The following LRP1B variants were observed in gnomAD, a reference collection of about 807,000 sequenced individuals.
LRP1B encodes low-density lipoprotein receptor-related protein 1B.
LRP1B carries 217 observed loss-of-function variants against 556.6 expected under a neutral mutation model. The observed-to-expected ratio is 0.39, with a 90% CI of 0.35 to 0.44. The LOEUF (loss-of-function observed/expected upper bound fraction) is 0.44, where lower values mean the gene tolerates loss of function less well. Among genes scored for constraint, LRP1B ranks in the 20% least tolerant of loss-of-function variants. LRP1B has a pLI of 1.00. For missense variants in LRP1B, 5,053 were observed against 5,620.8 expected (o/e 0.90, Z 3.23); for synonymous variants, 2,047 against 1,865.8 (o/e 1.10, Z -2.50).
chr2:141,273,330 C>G (rs940486710), intron 3 of LRP1B, among the ~76,000 whole-genome samples: 1 of 150,974 alleles, frequency 6.6e-6, no homozygotes, highest in African/African-American at 2.4e-5. Flanking sequence ...GGAAGAAAAA[C>G]GTACTACAAA....
chr2:140,645,944 T>C (rs1381720314), intron 41 of LRP1B, among the ~76,000 whole-genome samples: 1 of 152,098 alleles, frequency 6.6e-6, no homozygotes, highest in Non-Finnish European at 1.5e-5. Flanking sequence ...TTTTTCCTAC[T>C]CCTTATTATA....
chr2:140,833,728 T>G (rs1691799508), intron 31 of LRP1B, among the ~76,000 whole-genome samples: 2 of 152,166 alleles, frequency 1.3e-5, no homozygotes, highest in Non-Finnish European at 2.9e-5. Context: ...TTGGCTTTCT[T>G]TCTCTGGTAG....
chr2:141,393,369 C>T (rs1234990539), intron 3 of LRP1B, among the ~76,000 whole-genome samples: 2 of 152,152 alleles, frequency 1.3e-5, no homozygotes, highest in Non-Finnish European at 2.9e-5. Flanking sequence ...TTACAATTAT[C>T]AGATAAGCAT....
chr2:140,677,085 A>C (rs775571503), intron 41 of LRP1B, among the ~76,000 whole-genome samples: 1 of 152,244 alleles, frequency 6.6e-6, no homozygotes, highest in Non-Finnish European at 1.5e-5. Flanking sequence ...AATGGCATTT[A>C]TACAAGAGTA....
chr2:140,763,019 TA>T (rs992963468), intron 35 of LRP1B, among the ~76,000 whole-genome samples: 3 of 152,078 alleles, frequency 2.0e-5, no homozygotes, highest in African/African-American at 2.4e-5. Flanking sequence ...TTTCTGGAAA[TA>T]AACAGGTACC....
At chr2:140,304,007 G>A (rs1225074357) in intron 83 of LRP1B, among the ~76,000 whole-genome samples, 1 of 152,156 alleles carries the variant, frequency 6.6e-6, no homozygotes, top group East Asian at 1.9e-4. Context: ...TCTTATGGCT[G>A]CATAGTATTC....
intron 35 of LRP1B, among the ~76,000 whole-genome samples, chr2:140,754,267 C>T (rs978176037): frequency 4.6e-5 from 7 of 152,164 alleles, no homozygotes; most frequent in African/African-American, 9.6e-5. Context: ...CTAACTTGTC[C>T]GAGAAAACTG....
intron 2 of LRP1B, among the ~76,000 whole-genome samples, chr2:141,783,472 GAAC>G (rs1046898656): frequency 5.3e-5 from 8 of 151,886 alleles, no homozygotes; most frequent in African/African-American, 1.7e-4. Flanking sequence ...TGCATATTTG[GAAC>G]AACAAGTTTC....
chr2:140,664,338 A>T (rs1237462443), intron 41 of LRP1B, among the ~76,000 whole-genome samples: 1 of 152,198 alleles, frequency 6.6e-6, no homozygotes, highest in Non-Finnish European at 1.5e-5. Flanking sequence ...TAATAACGCA[A>T]AATGCAATAA....
At chr2:141,215,434 G>T (rs947010446) in intron 6 of LRP1B, among the ~76,000 whole-genome samples, 4 of 152,176 alleles carry the variant, frequency 2.6e-5, no homozygotes, top group Non-Finnish European at 4.4e-5. Flanking sequence ...AAAGATACCA[G>T]AAAATGTGAA....
At chr2:141,742,331 C>T (rs6754904) in intron 2 of LRP1B, among the ~76,000 whole-genome samples, 10,722 of 149,784 alleles carry the variant, frequency 0.072, 1,244 homozygotes, top group African/African-American at 0.25. Flanking sequence ...GACTCACTGA[C>T]ACGGCCGCCT....
chr2:140,614,762 C>T (rs1387485725), intron 41 of LRP1B, among the ~76,000 whole-genome samples: 1 of 152,154 alleles, frequency 6.6e-6, no homozygotes, highest in African/African-American at 2.4e-5. Context: ...ATAACATTGA[C>T]TTCTTATTTA....
intron 3 of LRP1B, among the ~76,000 whole-genome samples, chr2:141,276,341 A>C (rs66597941): frequency 6.6e-6 from 1 of 151,372 alleles, no homozygotes; most frequent in Non-Finnish European, 1.5e-5. Context: ...CAGGTTTGCT[A>C]TATAGGTAAG....
At chr2:140,261,174 A>G (rs1312362098) in intron 86 of LRP1B, among the ~76,000 whole-genome samples, 5 of 151,878 alleles carry the variant, frequency 3.3e-5, no homozygotes, top group East Asian at 3.9e-4. Context: ...CAGTGTCTAC[A>G]TAAGTATTTT....
intron 2 of LRP1B, among the ~76,000 whole-genome samples, chr2:141,755,947 A>G (rs1310141077): frequency 6.6e-6 from 1 of 151,808 alleles, no homozygotes; most frequent in African/African-American, 2.4e-5. Flanking sequence ...TTTAAAATAT[A>G]TAAAATAGTG....
At chr2:140,778,751 T>C (rs1689586919) in intron 32 of LRP1B, among the ~76,000 whole-genome samples, 1 of 152,048 alleles carries the variant, frequency 6.6e-6, no homozygotes, top group Middle Eastern at 3.2e-3. Flanking sequence ...TCTACAATCA[T>C]CTGAAAAAGC....
chr2:140,706,133 G>T (rs1387032362), intron 37 of LRP1B, among the ~76,000 whole-genome samples: 1 of 152,076 alleles, frequency 6.6e-6, no homozygotes, highest in Admixed American at 6.6e-5. Flanking sequence ...TCTAAATGTG[G>T]TCTTTAGCAA....
intron 35 of LRP1B, among the ~76,000 whole-genome samples, chr2:140,767,263 C>T (rs1444782556): frequency 6.6e-6 from 1 of 152,020 alleles, no homozygotes; most frequent in African/African-American, 2.4e-5. Flanking sequence ...ATGCTTGCAT[C>T]CCTTTACATT....
chr2:140,635,800 A>G (rs1684052624), intron 41 of LRP1B, among the ~76,000 whole-genome samples: 1 of 152,146 alleles, frequency 6.6e-6, no homozygotes, highest in Non-Finnish European at 1.5e-5. Context: ...AAACATATTT[A>G]TCTAAGAGAA....
Sources: gnomAD v4.1 joint callset for allele counts (sites outside exome capture counted in the v4.1 genomes callset) on GRCh38, gnomAD v4.1.1 for gene constraint, MANE v1.5 for transcripts, NCBI Gene and HGNC (gene_info 2026-07-23, HGNC 2026-07-21) for gene names.